Variants in EYS observed in about 807,000 individuals in gnomAD.
EYS encodes EGF-like photoreceptor maintenance factor.
In EYS, 250 loss-of-function variants were observed where a neutral mutation model predicts 282.1. The observed-to-expected ratio is 0.89, with a 90% confidence interval of 0.80 to 0.98. The LOEUF is 0.98. Among genes scored for constraint, EYS ranks in the 50% least tolerant of loss-of-function variants. The pLI is 0.00. For missense variants in EYS, 4,016 were observed against 3,709.0 expected, an observed-to-expected ratio of 1.08 and a Z score of -2.15; for synonymous variants, 1,355 against 1,282.9, an observed-to-expected ratio of 1.06 and a Z score of -1.20.
At chr6:65,500,124 C>A (rs1766396362) in intron 2 of EYS, among the ~76,000 whole-genome samples, 1 of 152,020 alleles carries the variant, frequency 6.6e-6, no homozygotes, top group African/African-American at 2.4e-5. Flanking sequence ...CTCCAAAACA[C>A]ATGTTCTCAG....
chr6:65,520,276 A>G (rs141424633), intron 2 of EYS, among the ~76,000 whole-genome samples: 32 of 152,320 alleles, frequency 2.1e-4, no homozygotes, highest in African/African-American at 5.0e-4. Context: ...AATAATTTAT[A>G]TATGATAAAA....
At chr6:64,980,592 C>T (rs1770627023) in intron 14 of EYS, among the ~76,000 whole-genome samples, 1 of 151,266 alleles carries the variant, frequency 6.6e-6, no homozygotes, top group African/African-American at 2.4e-5. Context: ...AATACATATA[C>T]TTTGTGTTCC....
intron 12 of EYS, among the ~76,000 whole-genome samples, chr6:65,263,778 C>T (rs11965474): frequency 0.15 from 22,213 of 150,248 alleles, 1,942 homozygotes; most frequent in Non-Finnish European, 0.2. Flanking sequence ...TGGTAGCTTG[C>T]GCTTGTCAGT....
chr6:64,706,224 G>A (rs1325981384), intron 22 of EYS, among the ~76,000 whole-genome samples: 5 of 152,034 alleles, frequency 3.3e-5, no homozygotes, highest in Admixed American at 3.3e-4. Context: ...GTGGGGAAAG[G>A]GCACACTATT....
intron 12 of EYS, among the ~76,000 whole-genome samples, chr6:65,115,354 C>T (rs1300022935): frequency 3.3e-5 from 5 of 151,910 alleles, no homozygotes; most frequent in African/African-American, 1.2e-4. Context: ...CACTGTTTTG[C>T]AGTTATTTTA....
At chr6:64,875,939 A>T (rs1766737469) in intron 19 of EYS, among the ~76,000 whole-genome samples, 1 of 152,052 alleles carries the variant, frequency 6.6e-6, no homozygotes, top group African/African-American at 2.4e-5. Flanking sequence ...TATTTTGTAG[A>T]GTATAAAAAT....
chr6:64,376,230 A>C (rs622223), intron 29 of EYS, among the ~76,000 whole-genome samples: 114,470 of 152,076 alleles, frequency 0.75, 43,692 homozygotes, highest in African/African-American at 0.89. Flanking sequence ...ACTCAGACTT[A>C]ATTGTCAGGG....
At chr6:64,501,190 A>G (rs1408666270) in intron 26 of EYS, among the ~76,000 whole-genome samples, 1 of 151,986 alleles carries the variant, frequency 6.6e-6, no homozygotes, top group Admixed American at 6.6e-5. Flanking sequence ...AAGAAAAAAA[A>G]GGAATAGCAT....
At chr6:63,998,949 G>C in intron 34 of EYS, 126 bp downstream of exon 34, 1 of 622,172 alleles carries the variant, frequency 1.6e-6, no homozygotes, top group Non-Finnish European at 2.9e-6. Flanking sequence ...CTGGTGCTTT[G>C]TTGAGAGTTT....
intron 12 of EYS, among the ~76,000 whole-genome samples, chr6:65,072,871 G>T (rs141411425): frequency 0.01 from 1,541 of 151,060 alleles, 23 homozygotes; most frequent in Non-Finnish European, 0.017. Flanking sequence ...AGAGAAATAG[G>T]CAAATATTGA....
chr6:65,185,086 A>C (rs1765485975), intron 12 of EYS, among the ~76,000 whole-genome samples: 1 of 151,378 alleles, frequency 6.6e-6, no homozygotes. Context: ...ATAATTTCAA[A>C]TGTTATATAT....
chr6:64,240,625 T>C (rs1332106756), intron 30 of EYS, among the ~76,000 whole-genome samples: 1 of 152,240 alleles, frequency 6.6e-6, no homozygotes, highest in African/African-American at 2.4e-5. Flanking sequence ...TTGCTGAAGT[T>C]GCTTATCAGC....
intron 2 of EYS, among the ~76,000 whole-genome samples, chr6:65,518,518 C>A (rs1394241760): frequency 2.6e-5 from 4 of 152,050 alleles, no homozygotes; most frequent in Admixed American, 1.3e-4. Context: ...ATTTAGTGAA[C>A]ACATTATCTA....
intron 33 of EYS, among the ~76,000 whole-genome samples, chr6:64,014,412 A>C (rs934514291): frequency 5.3e-5 from 8 of 152,096 alleles, no homozygotes; most frequent in Non-Finnish European, 7.4e-5. Flanking sequence ...AATGGTTGGT[A>C]CTATTTGCAG....
intron 12 of EYS, among the ~76,000 whole-genome samples, chr6:65,141,357 G>A (rs536762470): frequency 2.0e-4 from 31 of 152,054 alleles, no homozygotes; most frequent in Admixed American, 1.4e-3. Context: ...TGGCGGGAGC[G>A]GGGAGGGATA....
intron 14 of EYS, among the ~76,000 whole-genome samples, chr6:64,971,279 G>A (rs925861202): frequency 7.7e-6 from 1 of 130,424 alleles, no homozygotes; most frequent in Admixed American, 8.3e-5. Flanking sequence ...AACAAATGCA[G>A]ATGAAAGTGT....
At chr6:65,233,521 C>G (rs942611612) in intron 12 of EYS, among the ~76,000 whole-genome samples, 4 of 152,118 alleles carry the variant, frequency 2.6e-5, no homozygotes, top group African/African-American at 9.7e-5. Context: ...TTTGCATAAG[C>G]TCTCCTTAGC....
rs1412533681 is a variant in EYS, at chr6:65,296,033, C to T, written c.1853G>A (p.Gly618Asp). The change falls in exon 12 of 43, where the codon GGC (glycine) becomes GAC (aspartate). Residue 618 changes from glycine to aspartate, a missense_variant. Gly to Asp is a moderately conservative substitution (Grantham distance 94). Coordinates refer to ENST00000503581, the MANE Select transcript of EYS (RefSeq NM_001142800.2). The stretch of plus-strand genomic sequence containing the variant: ...ATTGTGCGAAAGGGCCAGGCAGAGG[C>T]CATGCACTGATATACTGTGGTTCCC... ...CLGNHSISVHGLCLALSHNCN... is the reference protein window; with the variant it reads ...CLGNHSISVHDLCLALSHNCN... 1 of 1,551,058 alleles carries T rather than the reference C, an allele frequency of 6.4e-7. No individual in the cohort carries two copies. The highest frequency in any genetic ancestry group is 2.4e-5 in the East Asian group (1 of 40,892).
chr6:64,882,004 G>C (rs1766936580), intron 19 of EYS, among the ~76,000 whole-genome samples: 1 of 151,764 alleles, frequency 6.6e-6, no homozygotes, highest in Admixed American at 6.6e-5. Flanking sequence ...TCCAGCTTTT[G>C]ATAAAAGAGA....
Sources: allele counts gnomAD v4.1 joint callset (sites outside exome capture counted in the v4.1 genomes callset), GRCh38; gene constraint gnomAD v4.1.1; transcripts MANE v1.5; gene names NCBI Gene and HGNC (gene_info 2026-07-23, HGNC 2026-07-21).